The following TTC27 variants were observed in gnomAD, a reference collection of about 807,000 sequenced individuals.
TTC27 encodes the protein tetratricopeptide repeat protein 27.
Under a neutral mutation model 115.9 loss-of-function variants are expected in TTC27, and 79 were observed. That is an observed-to-expected ratio of 0.68 (90% CI 0.57 to 0.82). TTC27 has a LOEUF of 0.82. Among genes scored for constraint, TTC27 ranks in the 40% least tolerant of loss-of-function variants. The pLI is 0.00. For synonymous variants in TTC27, 401 were observed against 356.0 expected (o/e 1.13, Z -1.42); for missense variants, 1,054 against 993.1 (o/e 1.06, Z -0.82).
chr2:32,677,896 G>C (rs1259043134), intron 8 of TTC27, among the ~76,000 whole-genome samples: 1 of 152,082 alleles, frequency 6.6e-6, no homozygotes, highest in Non-Finnish European at 1.5e-5. Flanking sequence ...AATAAGACTT[G>C]GTGTCATAAT....
intron 9 of TTC27, among the ~76,000 whole-genome samples, chr2:32,689,662 C>T (rs1328257178): frequency 6.6e-6 from 1 of 151,990 alleles, no homozygotes; most frequent in African/African-American, 2.4e-5. Flanking sequence ...GTACTTTTGA[C>T]CCTTTGCATT....
At chr2:32,656,029 A>C (rs1665302052) in intron 5 of TTC27, among the ~76,000 whole-genome samples, 1 of 152,188 alleles carries the variant, frequency 6.6e-6, no homozygotes, top group Non-Finnish European at 1.5e-5. Flanking sequence ...ACATCAGGGA[A>C]AGTTGCATTG....
At chr2:32,691,305 CT>C (rs201773475) in intron 9 of TTC27, among the ~76,000 whole-genome samples, 2,150 of 139,986 alleles carry the variant, frequency 0.015, 33 homozygotes, top group African/African-American at 0.05. Flanking sequence ...TGAATATTTA[CT>C]TTTTTTTTTT....
At chr2:32,749,763 C>A (rs950606290) in intron 12 of TTC27, among the ~76,000 whole-genome samples, 7 of 152,166 alleles carry the variant, frequency 4.6e-5, no homozygotes, top group Non-Finnish European at 7.4e-5. Context: ...TTATTTCTTT[C>A]TCTCAAAAAT....
chr2:32,659,072 C>G (rs2151875448), intron 5 of TTC27, among the ~76,000 whole-genome samples: 1 of 152,248 alleles, frequency 6.6e-6, no homozygotes, highest in Non-Finnish European at 1.5e-5. Flanking sequence ...TCAAATGATC[C>G]TCCCGTCTCA....
At chr2:32,700,513 C>G (rs1162199987) in intron 9 of TTC27, among the ~76,000 whole-genome samples, 1 of 152,002 alleles carries the variant, frequency 6.6e-6, no homozygotes, top group East Asian at 1.9e-4. Flanking sequence ...GCAGATTTAC[C>G]TAATGAGAAA....
rs140470704 is a variant in TTC27, at chr2:32,786,224, T to A, written c.1833-760T>A. On this transcript the variant is annotated intron_variant, in intron 15 of 19. Transcript: ENST00000317907. ...GCACCCACGGCTTCCCAGGTTCAAG[T>A]GATTCTTGTGTCTCAGCCTCCTGAG... Among the ~76,000 whole-genome samples, 670 of 152,128 alleles carry A rather than the reference T, an allele frequency of 4.4e-3. 7 individuals are homozygous for A. The highest frequency in any genetic ancestry group is 0.016 in the African/African-American group (650 of 41,506).
At chr2:32,735,756 A>G (rs1374092739) in intron 11 of TTC27, among the ~76,000 whole-genome samples, 1 of 152,122 alleles carries the variant, frequency 6.6e-6, no homozygotes, top group African/African-American at 2.4e-5. Flanking sequence ...ACCAAGATTT[A>G]TTCCAGCTCT....
chr2:32,776,935 T>G (rs1256961112), intron 13 of TTC27, among the ~76,000 whole-genome samples: 1 of 152,204 alleles, frequency 6.6e-6, no homozygotes, highest in African/African-American at 2.4e-5. Flanking sequence ...TTATCTCCCT[T>G]TTGACAGAGG....
intron 16 of TTC27, among the ~76,000 whole-genome samples, chr2:32,801,311 G>T (rs1670926771): frequency 1.3e-5 from 2 of 152,194 alleles, no homozygotes. Flanking sequence ...AAATCAAGGT[G>T]TTGACTTGGC....
chr2:32,805,537 G>C (rs904019693), intron 16 of TTC27, among the ~76,000 whole-genome samples: 1 of 152,230 alleles, frequency 6.6e-6, no homozygotes, highest in Non-Finnish European at 1.5e-5. Flanking sequence ...CACGTGCTTA[G>C]CACAGGGTTT....
intron 7 of TTC27, among the ~76,000 whole-genome samples, chr2:32,670,605 GT>G (rs199561705): frequency 1.1e-3 from 169 of 148,190 alleles, no homozygotes; most frequent in Middle Eastern, 3.4e-3. Flanking sequence ...GTGAACGTAA[GT>G]TTTTTTTTTT....
intron 9 of TTC27, among the ~76,000 whole-genome samples, chr2:32,697,381 G>T (rs912366885): frequency 1.1e-4 from 17 of 152,106 alleles, no homozygotes; most frequent in African/African-American, 3.6e-4. Flanking sequence ...GTCACAATTT[G>T]GGGTTTTCAA....
intron 13 of TTC27, among the ~76,000 whole-genome samples, chr2:32,772,497 C>G (rs1405173849): frequency 6.6e-6 from 1 of 152,096 alleles, no homozygotes; most frequent in African/African-American, 2.4e-5. Context: ...TTAGAGTAAC[C>G]ATACATCTAT....
intron 8 of TTC27, among the ~76,000 whole-genome samples, chr2:32,673,592 A>T (rs1228091311): frequency 1.3e-5 from 2 of 152,208 alleles, no homozygotes. Flanking sequence ...GCATCCTAGC[A>T]GGTAGAATAT....
At chr2:32,755,683 C>T (rs1240883824) in intron 12 of TTC27, among the ~76,000 whole-genome samples, 1 of 152,082 alleles carries the variant, frequency 6.6e-6, no homozygotes, top group Non-Finnish European at 1.5e-5. Context: ...ATTCAGCTAT[C>T]CTATAGGAGC....
chr2:32,690,908 T>A (rs1294712123), intron 9 of TTC27, among the ~76,000 whole-genome samples: 2 of 152,226 alleles, frequency 1.3e-5, no homozygotes, highest in East Asian at 3.8e-4. Context: ...CTTTGGAAGA[T>A]CAGTGTGACC....
intron 8 of TTC27, among the ~76,000 whole-genome samples, chr2:32,674,143 A>T (rs1031090866): frequency 3.3e-5 from 5 of 152,180 alleles, no homozygotes; most frequent in African/African-American, 1.2e-4. Flanking sequence ...AACATTTGAA[A>T]AAATCTTGTT....
intron 7 of TTC27, among the ~76,000 whole-genome samples, chr2:32,668,071 G>C (rs1665858441): frequency 6.6e-6 from 1 of 151,648 alleles, no homozygotes; most frequent in Non-Finnish European, 1.5e-5. Flanking sequence ...GGTGCCTGTA[G>C]TCCCAGCTAC....
Sources: gnomAD v4.1 joint callset for allele counts (sites outside exome capture counted in the v4.1 genomes callset) on GRCh38, gnomAD v4.1.1 for gene constraint, MANE v1.5 for transcripts, NCBI Gene and HGNC (gene_info 2026-07-23, HGNC 2026-07-21) for gene names.